Variants in SLC12A6 observed in about 807,000 individuals in gnomAD.
SLC12A6 encodes solute carrier family 12 member 6.
Under a neutral mutation model 135.3 loss-of-function variants are expected in SLC12A6, and 66 were observed. That is an observed-to-expected ratio of 0.49 (90% CI 0.40 to 0.60). SLC12A6 has a LOEUF of 0.60. SLC12A6 is among the 20% of genes least tolerant of loss of function. The probability of loss-of-function intolerance (pLI) is 0.00; values close to 1 mark genes in which losing one functional copy is unlikely to be tolerated. For missense variants in SLC12A6, 1,058 were observed against 1,452.3 expected, an observed-to-expected ratio of 0.73 and a Z score of 4.41; for synonymous variants, 513 against 508.8, an observed-to-expected ratio of 1.01 and a Z score of -0.11.
chr15:34,332,514 T>C (rs1889919591), intron 2 of SLC12A6, among the ~76,000 whole-genome samples: 1 of 152,190 alleles, frequency 6.6e-6, no homozygotes, highest in Non-Finnish European at 1.5e-5. Flanking sequence ...GCAGGGTGTA[T>C]GGTTCACACC....
chr15:34,315,964 C>CAAAA (rs1305049135), intron 2 of SLC12A6, among the ~76,000 whole-genome samples: 15 of 151,914 alleles, frequency 9.9e-5, no homozygotes, highest in African/African-American at 3.6e-4. Flanking sequence ...ACAAAAAAAA[C>CAAAA]AACAATTCAT....
intron 2 of SLC12A6, among the ~76,000 whole-genome samples, chr15:34,335,379 C>T (rs1489034873): frequency 2.0e-5 from 3 of 152,154 alleles, no homozygotes; most frequent in Non-Finnish European, 4.4e-5. Context: ...TTAAAAGGAA[C>T]AATATTTCCT....
At chr15:34,281,993 A>C (rs1894717953) in intron 2 of SLC12A6, among the ~76,000 whole-genome samples, 1 of 152,138 alleles carries the variant, frequency 6.6e-6, no homozygotes, top group Non-Finnish European at 1.5e-5. Flanking sequence ...CATATGCCAA[A>C]AAAAAATAGC....
At chr15:34,315,973 A>G (rs1888622108) in intron 2 of SLC12A6, among the ~76,000 whole-genome samples, 1 of 152,132 alleles carries the variant, frequency 6.6e-6, no homozygotes, top group Non-Finnish European at 1.5e-5. Context: ...ACAACAATTC[A>G]TGTGACTCAT....
intron 2 of SLC12A6, among the ~76,000 whole-genome samples, chr15:34,297,341 A>G (rs1204822476): frequency 6.6e-6 from 1 of 152,202 alleles, no homozygotes; most frequent in Non-Finnish European, 1.5e-5. Flanking sequence ...TAAGAAAAAA[A>G]TTAAATAAAC....
intron 22 of SLC12A6, chr15:34,237,047 T>C (rs1891313821): frequency 1.9e-6 from 1 of 532,522 alleles, no homozygotes; most frequent in Admixed American, 3.1e-5. Context: ...ATGTGTTGCC[T>C]TGAAACACAA....
At chr15:34,322,326 A>C (rs1440180208) in intron 2 of SLC12A6, among the ~76,000 whole-genome samples, 3 of 152,024 alleles carry the variant, frequency 2.0e-5, no homozygotes. Context: ...GGTTGCGGTG[A>C]GCCGGGATCA....
At position 34,259,007 on chromosome 15, in the gene SLC12A6, A is replaced by G. The variant is rs1892937445; in HGVS notation, c.412-63T>C. ...GAACACTGAACATAAGTATCAAAAT[A>G]ATCTTGCTACCAGAAAACTTCAAAT... On this transcript the variant is annotated intron_variant, in intron 4 of 25. Coordinates refer to ENST00000354181, the MANE Select transcript of SLC12A6 (RefSeq NM_001365088.1). The G allele has an allele frequency of 3.6e-6, 5 of 1,379,752 alleles. No homozygotes were observed. The Admixed American group carries it at 8.6e-5, about 24-fold the overall frequency. 85.5% of individuals were successfully genotyped at this position (1,379,752 alleles called of 1,614,324 possible). A position where few individuals can be genotyped will look rare whatever the true frequency, so the allele number is the denominator to read the frequency against.
At chr15:34,301,072 G>A (rs970731619) in intron 2 of SLC12A6, among the ~76,000 whole-genome samples, 1 of 152,004 alleles carries the variant, frequency 6.6e-6, no homozygotes, top group African/African-American at 2.4e-5. Flanking sequence ...AGGTTCAAGC[G>A]ATTCTCCTGT....
At chr15:34,235,530 G>A (rs1233252861) in intron 24 of SLC12A6, among the ~76,000 whole-genome samples, 1 of 149,112 alleles carries the variant, frequency 6.7e-6, no homozygotes, top group Admixed American at 6.9e-5. Context: ...CGCCTCCCAG[G>A]TTCAAGTGAT....
intron 2 of SLC12A6, chr15:34,318,856 CG>C: frequency 6.9e-7 from 1 of 1,456,330 alleles, no homozygotes; most frequent in Non-Finnish European, 9.1e-7. Context: ...GGGAGTGGGG[CG>C]CTTGAAGACA....
intron 13 of SLC12A6, among the ~76,000 whole-genome samples, chr15:34,247,656 C>A (rs1039796420): frequency 6.6e-6 from 1 of 152,002 alleles, no homozygotes; most frequent in African/African-American, 2.4e-5. Flanking sequence ...CCAAAATTCT[C>A]TCTTATGCCC....
intron 10 of SLC12A6, 117 bp downstream of exon 10, chr15:34,252,053 A>G: frequency 1.4e-6 from 1 of 689,966 alleles, no homozygotes; most frequent in Non-Finnish European, 2.6e-6. Context: ...GGTGTGCTTA[A>G]GAAGGGAATT....
intron 3 of SLC12A6, among the ~76,000 whole-genome samples, chr15:34,267,322 GT>G (rs1893596904): frequency 1.3e-5 from 2 of 150,986 alleles, no homozygotes; most frequent in African/African-American, 4.9e-5. Context: ...AAGTTTACTA[GT>G]TCATTTATTC....
intron 2 of SLC12A6, among the ~76,000 whole-genome samples, chr15:34,332,909 C>T (rs1595590400): frequency 6.6e-6 from 1 of 152,092 alleles, no homozygotes; most frequent in South Asian, 2.1e-4. Context: ...CAAAATGATG[C>T]AAGAAAGAGC....
In SLC12A6 at chr15:34,266,954, G is replaced by GT. The variant is rs1893565268; in HGVS notation, c.317-5935dup. 1.3e-5 allele frequency among the ~76,000 whole-genome samples: 2 copies of GT among 151,902 alleles called. 1 individual carries two copies. The highest frequency in any genetic ancestry group is 3.9e-4 in the East Asian group (2 of 5,180). Reference sequence around the variant, plus strand: ...ACAGGGTTCTAACATCTTTTTATTTGTTTTTTCTCTATGACTCATTCTCAT... The same window carrying GT: ...ACAGGGTTCTAACATCTTTTTATTTGTTTTTTTCTCTATGACTCATTCTCAT... On this transcript the variant is annotated intron_variant, in intron 3 of 25. Coordinates refer to ENST00000354181, the MANE Select transcript of SLC12A6 (RefSeq NM_001365088.1).
chr15:34,231,659 G>C lies in SLC12A6; in HGVS notation c.*2222C>G, dbSNP rs1331838011. ...GGCTGGAGTGCAGTGGTGCAATCTCGGTTCACTGCAAGTTCCACCTCCCGG... is the reference window on the plus strand; with the variant it reads ...GGCTGGAGTGCAGTGGTGCAATCTCCGTTCACTGCAAGTTCCACCTCCCGG... On this transcript the variant is annotated 3_prime_UTR_variant, in exon 26 of 26. Transcript: ENST00000354181. 1.3e-5 allele frequency: 2 copies of C among 149,394 alleles called. No homozygotes were observed. Among genetic ancestry groups the C allele is most frequent in the Non-Finnish European group, 3.0e-5 (2 of 67,692 alleles). 9.3% of individuals were successfully genotyped at this position (149,394 alleles called of 1,614,324 possible).
intron 2 of SLC12A6, among the ~76,000 whole-genome samples, chr15:34,319,017 T>G (rs1490513193): frequency 1.3e-5 from 2 of 152,212 alleles, no homozygotes; most frequent in Non-Finnish European, 2.9e-5. Context: ...AGTGAACTAC[T>G]GTCTACCGCT....
rs1595416037 is a variant in SLC12A6, at chr15:34,244,150, T to C, written c.1944-78A>G. On this transcript the variant is annotated intron_variant, in intron 15 of 25. Coordinates refer to ENST00000354181, the MANE Select transcript of SLC12A6 (RefSeq NM_001365088.1). The stretch of plus-strand genomic sequence containing the variant: ...AGGTTAAGTAACTGAATACCTTTGC[T>C]GTATTGAAGCCTGTTTCTAGACAAC... 4.6e-6 allele frequency: 4 copies of C among 869,766 alleles called. No homozygotes were observed. The East Asian group carries it at 9.7e-5, about 21-fold the overall frequency. 53.9% of individuals were successfully genotyped at this position (869,766 alleles called of 1,614,324 possible). A position where few individuals can be genotyped will look rare whatever the true frequency, so the allele number is the denominator to read the frequency against.
Sources: gnomAD v4.1 joint callset for allele counts (sites outside exome capture counted in the v4.1 genomes callset) on GRCh38, gnomAD v4.1.1 for gene constraint, MANE v1.5 for transcripts, NCBI Gene and HGNC (gene_info 2026-07-23, HGNC 2026-07-21) for gene names.